Variants in KIF1A observed in about 807,000 individuals in gnomAD.
KIF1A encodes kinesin family member 1A.
Under a neutral mutation model 227.3 loss-of-function variants are expected in KIF1A, and 46 were observed. That is an observed-to-expected ratio of 0.20 (90% CI 0.16 to 0.26). The LOEUF (loss-of-function observed/expected upper bound fraction) is 0.26. KIF1A is among the 10% of genes least tolerant of loss of function. The probability of loss-of-function intolerance (pLI) is 1.00; values close to 1 mark genes in which losing one functional copy is unlikely to be tolerated. For missense variants in KIF1A, 1,683 were observed against 2,485.9 expected (o/e 0.68, Z 6.87); for synonymous variants, 1,022 against 1,012.8 (o/e 1.01, Z -0.17).
rs1263339388 is a variant in KIF1A, at chr2:240,793,659, G to A, written c.106+3988C>T. Among the ~76,000 whole-genome samples, 1 of 152,232 alleles carries A rather than the reference G, an allele frequency of 6.6e-6. No homozygotes were observed. The highest frequency in any genetic ancestry group is 6.5e-5 in the Admixed American group (1 of 15,288). ...AGTGCACCTAATGGACAGCTCAGCTGGCTCACAAAACTGCTAGGTCTGGTG... is the reference window on the plus strand; with the variant it reads ...AGTGCACCTAATGGACAGCTCAGCTAGCTCACAAAACTGCTAGGTCTGGTG... On this transcript the variant is annotated intron_variant, in intron 2 of 48. Coordinates refer to ENST00000498729, the MANE Select transcript of KIF1A (RefSeq NM_001244008.2). The surrounding 1 kb of genome is among the most constrained non-coding windows in gnomAD (Gnocchi z 4.8).
intron 38 of KIF1A, among the ~76,000 whole-genome samples, chr2:240,728,160 G>A (rs934472296): frequency 9.9e-5 from 15 of 152,184 alleles, no homozygotes; most frequent in Non-Finnish European, 2.1e-4. Context: ...CTGCACACAT[G>A]GTCTGGGACG....
chr2:240,777,910 TCC>T lies in KIF1A; in HGVS notation c.883-1986_883-1985del, dbSNP rs2052992122. 2.0e-5 allele frequency among the ~76,000 whole-genome samples: 3 copies of T among 152,262 alleles called. No homozygotes were observed. The South Asian group carries it at 6.2e-4, about 32-fold the overall frequency. The stretch of plus-strand genomic sequence containing the variant: ...GGGTCCCTCGCACTTTCCCTCCCAG[TCC>T]CTCACACAGACAGTCACGCGGTTCC... On this transcript the variant is annotated intron_variant, in intron 10 of 48. Transcript: ENST00000498729.
chr2:240,783,251 G>A, intron 8 of KIF1A, 142 bp from the exon 9 acceptor site: 1 of 725,816 alleles, frequency 1.4e-6, no homozygotes, highest in Non-Finnish European at 2.5e-6. Context: ...ACTTGGGCGT[G>A]GGGTGCCCTG....
intron 28 of KIF1A, among the ~76,000 whole-genome samples, chr2:240,749,175 T>C (rs1410729128): frequency 6.6e-6 from 1 of 151,278 alleles, no homozygotes; most frequent in East Asian, 1.9e-4. Context: ...GAATTTAACA[T>C]TAGAGTCAAA....
chr2:240,808,013 G>C (rs549003464), intron 1 of KIF1A, among the ~76,000 whole-genome samples: 16 of 152,220 alleles, frequency 1.1e-4, no homozygotes, highest in Non-Finnish European at 2.2e-4. Flanking sequence ...CCTCATAATA[G>C]CTATCTACTA....
chr2:240,764,231 C>A (rs1249257087), intron 20 of KIF1A, among the ~76,000 whole-genome samples: 1 of 152,194 alleles, frequency 6.6e-6, no homozygotes, highest in Non-Finnish European at 1.5e-5. Context: ...TTCCTCTGTC[C>A]TCCCTGTCCA....
intron 38 of KIF1A, among the ~76,000 whole-genome samples, chr2:240,727,987 C>T (rs1006973398): frequency 2.0e-5 from 3 of 152,212 alleles, no homozygotes; most frequent in Non-Finnish European, 4.4e-5. Flanking sequence ...CTCGCCCACC[C>T]CACCATCCAC....
chr2:240,745,720 A>C lies in KIF1A; in HGVS notation c.3374+18T>G. On this transcript the variant is annotated intron_variant, in intron 31 of 48. Coordinates refer to ENST00000498729, the MANE Select transcript of KIF1A (RefSeq NM_001244008.2). ...AGTCCCTGCGCAGCGCAGGGACACA[A>C]AGGCAGCAGGGCCTCACTTGAACTG... 1 of 1,609,132 alleles carries C rather than the reference A, an allele frequency of 6.2e-7. No homozygotes were observed. Among genetic ancestry groups the C allele is most frequent in the Non-Finnish European group, 8.5e-7 (1 of 1,178,122 alleles).
At chr2:240,809,494 G>C (rs1012631405) in intron 1 of KIF1A, among the ~76,000 whole-genome samples, 1 of 152,140 alleles carries the variant, frequency 6.6e-6, no homozygotes, top group Admixed American at 6.5e-5. Context: ...GGGAGAGGAC[G>C]GACGACCGAA....
intron 23 of KIF1A, among the ~76,000 whole-genome samples, chr2:240,761,624 G>T (rs1332903997): frequency 1.3e-5 from 2 of 152,168 alleles, no homozygotes; most frequent in African/African-American, 4.8e-5. Context: ...TCTCACTCTG[G>T]GTCTGGGCTG....
At chr2:240,750,253 G>A (rs1001342063) in intron 28 of KIF1A, among the ~76,000 whole-genome samples, 176 bp downstream of exon 28, 5 of 152,172 alleles carry the variant, frequency 3.3e-5, no homozygotes, top group Non-Finnish European at 7.4e-5. Flanking sequence ...CCAGGACAGC[G>A]TGGAAAAACA....
At chr2:240,770,584 A>T (rs1278703957) in intron 15 of KIF1A, among the ~76,000 whole-genome samples, 2 of 152,178 alleles carry the variant, frequency 1.3e-5, no homozygotes, top group Non-Finnish European at 2.9e-5. Context: ...GCACCCACTC[A>T]CACAATTAAA....
At chr2:240,810,961 G>T in intron 1 of KIF1A, among the ~76,000 whole-genome samples, 1 of 152,234 alleles carries the variant, frequency 6.6e-6, no homozygotes, top group East Asian at 1.9e-4. Flanking sequence ...TGGGGAGCAG[G>T]TTGGAAATGC....
rs564585886 is a variant in KIF1A, at chr2:240,812,245, C to T, written c.-61+7877G>A. Among the ~76,000 whole-genome samples the T allele has an allele frequency of 6.6e-5, 10 of 152,270 alleles. No homozygotes were observed. In the South Asian group the frequency reaches 2.1e-3, roughly 32 times the overall value. ...GGGGCATCAGCAGAAAAAGCCAAGT[C>T]CCTGTGGAAGGGGGCTGGGGGTGGC... On this transcript the variant is annotated intron_variant, in intron 1 of 48. Transcript: ENST00000498729.
rs576720246 is a variant in KIF1A at position 240,733,064 on chromosome 2, G to A, written c.4007+3999C>T. Among the ~76,000 whole-genome samples the A allele has an allele frequency of 7.9e-5, 12 of 151,644 alleles. No homozygotes were observed. The East Asian group carries it at 2.3e-3, about 29-fold the overall frequency. On this transcript the variant is annotated intron_variant, in intron 38 of 48. Transcript: ENST00000498729. ...GAGGGGGGGATGAGAGGGTGAATGA[G>A]CTTCCTGGCCAGGCTCTGACCCACC...
chr2:240,804,690 G>A (rs896372097), intron 1 of KIF1A, among the ~76,000 whole-genome samples: 4 of 152,102 alleles, frequency 2.6e-5, no homozygotes, highest in Non-Finnish European at 5.9e-5. Flanking sequence ...AGCTCTAGGT[G>A]GTGAAAAAGC....
chr2:240,758,836 G>T lies in KIF1A; in HGVS notation c.2445-339C>A, dbSNP rs370162597. Reference sequence around the variant, plus strand: ...GCGGAGAGGTGGGAAGAGAACCCAAGTGAAGCTCAGAAACGGGGATCAGGC... The same window carrying T: ...GCGGAGAGGTGGGAAGAGAACCCAATTGAAGCTCAGAAACGGGGATCAGGC... On this transcript the variant is annotated intron_variant, in intron 25 of 48. Transcript: ENST00000498729. The surrounding 1 kb of genome is among the most constrained non-coding windows in gnomAD (Gnocchi z 5.2). Among the ~76,000 whole-genome samples the T allele has an allele frequency of 7.2e-5, 11 of 152,214 alleles. No homozygotes were observed. Among genetic ancestry groups the T allele is most frequent in the African/African-American group, 2.4e-4 (10 of 41,444 alleles).
intron 1 of KIF1A, among the ~76,000 whole-genome samples, chr2:240,818,516 G>A (rs1314283361): frequency 6.6e-6 from 1 of 152,138 alleles, no homozygotes; most frequent in Non-Finnish European, 1.5e-5. Context: ...ACCCTGCACC[G>A]CAAGCTCCAC....
intron 37 of KIF1A, among the ~76,000 whole-genome samples, chr2:240,738,099 A>G (rs1211710332): frequency 1.3e-5 from 2 of 152,226 alleles, no homozygotes; most frequent in Non-Finnish European, 2.9e-5. Flanking sequence ...GAAGAGGCTC[A>G]GCTGCAGAGA....
Sources: allele counts gnomAD v4.1 joint callset (sites outside exome capture counted in the v4.1 genomes callset), GRCh38; gene constraint gnomAD v4.1.1; non-coding constraint Gnocchi (gnomAD v3.1); transcripts MANE v1.5; gene names NCBI Gene and HGNC (gene_info 2026-07-23, HGNC 2026-07-21).